The following TMX4 variants were observed in gnomAD, a reference collection of about 807,000 sequenced individuals.
TMX4 encodes the protein thioredoxin-related transmembrane protein 4.
In TMX4, 23 loss-of-function variants were observed where a neutral mutation model predicts 33.3. That is an observed-to-expected ratio of 0.69 (90% confidence interval 0.50 to 0.98). The LOEUF (loss-of-function observed/expected upper bound fraction) is 0.98. Ranked by LOEUF, TMX4 falls within the 50% of genes least tolerant of loss-of-function variation. The pLI is 0.00. For missense variants in TMX4, 399 were observed against 448.9 expected (o/e 0.89, Z 1.01); for synonymous variants, 164 against 161.5 (o/e 1.02, Z -0.12).
chr20:8,009,349 G>C (rs1221388828), intron 2 of TMX4, among the ~76,000 whole-genome samples: 1 of 152,054 alleles, frequency 6.6e-6, no homozygotes, highest in African/African-American at 2.4e-5. Flanking sequence ...AGTGTAGACA[G>C]AATGACAGAA....
At chr20:8,010,478 C>A (rs978117298) in intron 1 of TMX4, among the ~76,000 whole-genome samples, 163 bp from the exon 2 acceptor site, 1 of 151,874 alleles carries the variant, frequency 6.6e-6, no homozygotes, top group Non-Finnish European at 1.5e-5. Context: ...GCACATTGTC[C>A]CCACTAGGAT....
intron 1 of TMX4, among the ~76,000 whole-genome samples, chr20:8,018,522 G>GCA (rs879849597): frequency 0.099 from 4,682 of 47,300 alleles, 1,225 homozygotes; most frequent in East Asian, 0.63. Context: ...GAGAGAGAGA[G>GCA]AGAGAGTCTG....
chr20:7,985,269 A>C (rs1457772149), intron 6 of TMX4, among the ~76,000 whole-genome samples: 1 of 103,532 alleles, frequency 9.7e-6, no homozygotes, highest in African/African-American at 5.9e-5. Flanking sequence ...ATATATATAT[A>C]TATATATATT....
chr20:8,011,625 C>A (rs916343394), intron 1 of TMX4, among the ~76,000 whole-genome samples: 1 of 152,064 alleles, frequency 6.6e-6, no homozygotes, highest in African/African-American at 2.4e-5. Context: ...GGAAGGAATG[C>A]ATTTATTTCA....
chr20:8,014,497 T>C (rs1196893756), intron 1 of TMX4, among the ~76,000 whole-genome samples: 1 of 152,172 alleles, frequency 6.6e-6, no homozygotes, highest in Non-Finnish European at 1.5e-5. Flanking sequence ...ATTAAAGCTT[T>C]GGAGATAAAC....
chr20:7,994,991 G>A (rs1478134226), intron 5 of TMX4, among the ~76,000 whole-genome samples: 1 of 152,078 alleles, frequency 6.6e-6, no homozygotes, highest in Non-Finnish European at 1.5e-5. Flanking sequence ...TAACCTGAAA[G>A]ACTGAAACCA....
intron 4 of TMX4, among the ~76,000 whole-genome samples, chr20:7,997,883 G>T (rs1458638858): frequency 6.6e-6 from 1 of 152,136 alleles, no homozygotes; most frequent in Non-Finnish European, 1.5e-5. Flanking sequence ...GGATCATGGG[G>T]GCGGATTCTC....
At chr20:8,011,951 T>C (rs1427458586) in intron 1 of TMX4, among the ~76,000 whole-genome samples, 2 of 152,152 alleles carry the variant, frequency 1.3e-5, no homozygotes, top group African/African-American at 4.8e-5. Context: ...ACATTCTTGA[T>C]ATACAGTAGG....
chr20:7,999,429 G>T (rs1470822711), intron 4 of TMX4, among the ~76,000 whole-genome samples: 2 of 152,160 alleles, frequency 1.3e-5, no homozygotes, highest in Non-Finnish European at 2.9e-5. Flanking sequence ...AATGGTAAAT[G>T]ATGTTCAATA....
At chr20:7,998,428 C>A (rs1168957300) in intron 4 of TMX4, among the ~76,000 whole-genome samples, 2 of 152,154 alleles carry the variant, frequency 1.3e-5, no homozygotes, top group Non-Finnish European at 2.9e-5. Context: ...CCTCTCCATC[C>A]CCACATCCCC....
At chr20:7,999,688 C>G in intron 4 of TMX4, 44 bp downstream of exon 4, 1 of 1,582,274 alleles carries the variant, frequency 6.3e-7, no homozygotes, top group South Asian at 1.2e-5. Flanking sequence ...AACTTAAAAC[C>G]TCCTGTTTTA....
chr20:8,004,352 A>T (rs1033462721), intron 2 of TMX4, among the ~76,000 whole-genome samples: 5 of 152,222 alleles, frequency 3.3e-5, no homozygotes, highest in Non-Finnish European at 7.3e-5. Flanking sequence ...GATCTTGACA[A>T]AGAATTTGAA....
Position 7,979,700 on chromosome 20 carries a change from T to C in TMX4, c.*2551A>G, listed in dbSNP as rs1193260598. On this transcript the variant is annotated 3_prime_UTR_variant, in exon 8 of 8. Coordinates refer to ENST00000246024, the MANE Select transcript of TMX4 (RefSeq NM_021156.4). ...GTTGTAGTAAGCCAAGATTGTGCCA[T>C]TGCAGCCTGGGCGACAACAAGAGTG... 1 of 150,926 alleles carries C rather than the reference T, an allele frequency of 6.6e-6. No homozygotes were observed. Among genetic ancestry groups the C allele is most frequent in the African/African-American group, 2.4e-5 (1 of 40,948 alleles). 9.3% of individuals were successfully genotyped at this position (150,926 alleles called of 1,614,324 possible).
At chr20:8,018,780 CAG>C (rs2050795387) in intron 1 of TMX4, 2 of 197,834 alleles carry the variant, frequency 1.0e-5, no homozygotes, top group Non-Finnish European at 2.1e-5. Flanking sequence ...TAATATTACT[CAG>C]AAAGTCCTAC....
chr20:7,986,020 T>C (rs1188690103), intron 6 of TMX4, among the ~76,000 whole-genome samples: 4 of 152,182 alleles, frequency 2.6e-5, no homozygotes, highest in Non-Finnish European at 5.9e-5. Context: ...CCTCATACTG[T>C]TTCCCCCTAC....
intron 2 of TMX4, among the ~76,000 whole-genome samples, 153 bp from the exon 3 acceptor site, chr20:8,001,694 A>T (rs1164365763): frequency 6.6e-6 from 1 of 152,116 alleles, no homozygotes; most frequent in Non-Finnish European, 1.5e-5. Context: ...ATTTCTACCT[A>T]TTTTTATTAC....
chr20:7,983,929 T>C, intron 6 of TMX4, 72 bp from the exon 7 acceptor site: 2 of 1,142,416 alleles, frequency 1.8e-6, no homozygotes, highest in East Asian at 2.4e-5. Context: ...AAATTAGGCC[T>C]TGCTTCTATA....
chr20:8,019,140 G>A, intron 1 of TMX4: 1 of 492,380 alleles, frequency 2.0e-6, no homozygotes, highest in South Asian at 1.9e-5. Context: ...CAAAGCAAGG[G>A]GACGCGCTGC....
At chr20:7,983,169 G>T (rs1037529163) in intron 7 of TMX4, among the ~76,000 whole-genome samples, 1 of 152,114 alleles carries the variant, frequency 6.6e-6, no homozygotes, top group African/African-American at 2.4e-5. Flanking sequence ...ATTTTCATTT[G>T]TTTTCCTAAA....
Sources: gnomAD v4.1 joint callset for allele counts (sites outside exome capture counted in the v4.1 genomes callset) on GRCh38, gnomAD v4.1.1 for gene constraint, MANE v1.5 for transcripts, NCBI Gene and HGNC (gene_info 2026-07-23, HGNC 2026-07-21) for gene names.